CNTNAP2: variants seen among roughly 807,000 people sequenced by gnomAD.
The protein encoded by CNTNAP2 is contactin associated protein 2, also known as contactin-associated protein-like 2.
Under a neutral mutation model 155.2 loss-of-function variants are expected in CNTNAP2, and 98 were observed. The ratio of observed to expected loss-of-function variants is 0.63; its 90% CI spans 0.54 to 0.75. CNTNAP2 has a LOEUF of 0.75. Among genes scored for constraint, CNTNAP2 ranks in the 30% least tolerant of loss-of-function variants. The pLI is 0.00. For synonymous variants in CNTNAP2, 651 were observed against 631.2 expected (o/e 1.03, Z -0.47); for missense variants, 1,727 against 1,688.1 (o/e 1.02, Z -0.40).
chr7:146,259,385 G>T (rs902981956), intron 1 of CNTNAP2, among the ~76,000 whole-genome samples: 4 of 152,152 alleles, frequency 2.6e-5, no homozygotes, highest in African/African-American at 9.7e-5. Flanking sequence ...TCTGAAGAAG[G>T]CAGGAAGATG....
intron 1 of CNTNAP2, among the ~76,000 whole-genome samples, chr7:146,552,056 T>C (rs1450835212): frequency 6.6e-6 from 1 of 152,100 alleles, no homozygotes; most frequent in Non-Finnish European, 1.5e-5. Flanking sequence ...GCTGGGCTCA[T>C]GAAGGGTCCT....
At chr7:147,083,037 CTCTCTCGCTG>C (rs1482107477) in intron 4 of CNTNAP2, 1 of 152,184 alleles carries the variant, frequency 6.6e-6, no homozygotes, top group African/African-American at 2.4e-5. Context: ...GCCTCTCATC[CTCTCTCGCTG>C]TAGCTGAGTC....
rs1301964279 is a variant in CNTNAP2, at chr7:147,128,470, CT to C, written c.940-215del. On this transcript the variant is annotated intron_variant, in intron 6 of 23. Coordinates refer to ENST00000361727, the MANE Select transcript of CNTNAP2 (RefSeq NM_014141.6). ...GCAGTAAAATTGCAAAGGATCATTG[CT>C]TTTTTTTGTTCAAGTTATAATCTAA... 4.6e-5 allele frequency among the ~76,000 whole-genome samples: 7 copies of C among 151,816 alleles called. No homozygotes were observed. The South Asian group carries it at 6.2e-4, about 14-fold the overall frequency.
Position 146,424,653 on chromosome 7 carries a change from C to A in CNTNAP2, c.97+307680C>A, listed in dbSNP as rs145484801. 1.9e-3 allele frequency among the ~76,000 whole-genome samples: 295 copies of A among 152,194 alleles called. 1 individual carries two copies. Among genetic ancestry groups the A allele is most frequent in the African/African-American group, 6.7e-3 (277 of 41,538 alleles). Reference sequence around the variant, plus strand: ...TATCATTTAGAGAAAGTTTTATATCCGTGTAGGGAACTATTTACCCTTCAA... The same window carrying A: ...TATCATTTAGAGAAAGTTTTATATCAGTGTAGGGAACTATTTACCCTTCAA... On this transcript the variant is annotated intron_variant, in intron 1 of 23. Transcript: ENST00000361727.
At chr7:146,890,795 G>GT (rs1795759162) in intron 3 of CNTNAP2, among the ~76,000 whole-genome samples, 1 of 152,062 alleles carries the variant, frequency 6.6e-6, no homozygotes, top group East Asian at 1.9e-4. Flanking sequence ...TTTAACTGTG[G>GT]TTTACATCAG....
At chr7:146,308,731 A>G (rs529831335) in intron 1 of CNTNAP2, among the ~76,000 whole-genome samples, 4 of 152,182 alleles carry the variant, frequency 2.6e-5, no homozygotes, top group Non-Finnish European at 5.9e-5. Context: ...GCAAGGACAG[A>G]AAACCAAACA....
At chr7:146,876,151 C>T (rs1281481556) in intron 3 of CNTNAP2, among the ~76,000 whole-genome samples, 8 of 151,850 alleles carry the variant, frequency 5.3e-5, no homozygotes, top group Admixed American at 4.6e-4. Context: ...TCAGTCAGGA[C>T]TGAGAGATCT....
chr7:148,211,460 T>C (rs868016610), intron 18 of CNTNAP2, among the ~76,000 whole-genome samples: 5 of 152,372 alleles, frequency 3.3e-5, no homozygotes, highest in Non-Finnish European at 5.9e-5. Context: ...ATAGAGCACG[T>C]GCATGAGGCA....
rs555869859 is a variant in CNTNAP2 at position 148,180,821 on chromosome 7, C to A, written c.3010+8343C>A. Among the ~76,000 whole-genome samples, 16 of 152,270 alleles carry A rather than the reference C, an allele frequency of 1.1e-4. 1 individual carries two copies. The South Asian group carries it at 2.9e-3, about 28-fold the overall frequency. ...GAAGGAGGTGCTTTAGCCCCTACAC[C>A]TAGAAATCTGTAAAGCATTACTTTG... On this transcript the variant is annotated intron_variant, in intron 18 of 23. Transcript: ENST00000361727.
intron 3 of CNTNAP2, among the ~76,000 whole-genome samples, chr7:146,861,710 C>T (rs922474947): frequency 6.6e-6 from 1 of 152,122 alleles, no homozygotes. Context: ...ATCCTACAGG[C>T]CTGATTTTCT....
chr7:146,604,861 G>A (rs1450288979), intron 1 of CNTNAP2, among the ~76,000 whole-genome samples: 1 of 142,578 alleles, frequency 7.0e-6, no homozygotes, highest in East Asian at 2.1e-4. Context: ...ACTCATAGGT[G>A]GGAATTGAAC....
rs185215125 is a variant in CNTNAP2, at chr7:146,434,117, G to A, written c.97+317144G>A. Among the ~76,000 whole-genome samples the A allele has an allele frequency of 1.7e-3, 254 of 152,200 alleles. 1 individual carries two copies. Among genetic ancestry groups the A allele is most frequent in the African/African-American group, 5.9e-3 (243 of 41,534 alleles). Reference sequence around the variant, plus strand: ...AGACTGAATTTCACAAATGATACATGAGGATTAGTGAATGGTGTTCACTGT... The same window carrying A: ...AGACTGAATTTCACAAATGATACATAAGGATTAGTGAATGGTGTTCACTGT... On this transcript the variant is annotated intron_variant, in intron 1 of 23. Transcript: ENST00000361727.
intron 1 of CNTNAP2, among the ~76,000 whole-genome samples, chr7:146,319,489 C>T (rs1476323045): frequency 6.6e-6 from 1 of 152,060 alleles, no homozygotes; most frequent in Admixed American, 6.6e-5. Context: ...ATTGGACAAA[C>T]AAATGTTAGA....
intron 11 of CNTNAP2, among the ~76,000 whole-genome samples, chr7:147,506,168 T>G (rs561915481): frequency 7.9e-5 from 12 of 152,316 alleles, no homozygotes; most frequent in African/African-American, 2.9e-4. Flanking sequence ...CTAGGACCAT[T>G]CTAAGACCCA....
At chr7:147,826,789 G>A (rs1228101131) in intron 13 of CNTNAP2, among the ~76,000 whole-genome samples, 1 of 152,096 alleles carries the variant, frequency 6.6e-6, no homozygotes, top group Admixed American at 6.5e-5. Context: ...AATAGTCACA[G>A]GACAAAAGTG....
At chr7:147,853,152 A>G (rs1480176099) in intron 13 of CNTNAP2, among the ~76,000 whole-genome samples, 1 of 152,228 alleles carries the variant, frequency 6.6e-6, no homozygotes, top group African/African-American at 2.4e-5. Flanking sequence ...GTATCTAAGT[A>G]GCACCACCAC....
At chr7:147,801,253 G>A (rs1000168689) in intron 13 of CNTNAP2, among the ~76,000 whole-genome samples, 5 of 149,844 alleles carry the variant, frequency 3.3e-5, no homozygotes, top group South Asian at 2.1e-4. Context: ...TCTTAGAAAC[G>A]TGTATCATGT....
chr7:147,972,025 T>C (rs34071537), intron 14 of CNTNAP2, among the ~76,000 whole-genome samples: 20,374 of 152,164 alleles, frequency 0.13, 2,230 homozygotes, highest in African/African-American at 0.31. Flanking sequence ...TGTTATTGCC[T>C]CTCCTTTTGA....
chr7:148,316,232 T>C (rs1188630236), intron 21 of CNTNAP2, among the ~76,000 whole-genome samples: 1 of 151,998 alleles, frequency 6.6e-6, no homozygotes, highest in Non-Finnish European at 1.5e-5. Context: ...GAGATATACC[T>C]AATGTAAATG....
Sources: gnomAD v4.1 joint callset for allele counts (sites outside exome capture counted in the v4.1 genomes callset) on GRCh38, gnomAD v4.1.1 for gene constraint, MANE v1.5 for transcripts, NCBI Gene and HGNC (gene_info 2026-07-23, HGNC 2026-07-21) for gene names.